NHLRC3: variants seen among roughly 807,000 people sequenced by gnomAD.
NHLRC3 encodes NHL repeat containing 3.
A neutral mutation model predicts 32.0 loss-of-function variants in NHLRC3; 23 were observed. The ratio of observed to expected loss-of-function variants is 0.72; its 90% CI spans 0.52 to 1.02. The LOEUF is 1.02. Among genes scored for constraint, NHLRC3 ranks in the 50% least tolerant of loss-of-function variants. NHLRC3 has a pLI of 0.00. For synonymous variants in NHLRC3, 159 were observed against 147.9 expected (o/e 1.08, Z -0.55); for missense variants, 407 against 406.8 (o/e 1.00, Z -0.01).
chr13:39,038,378 G>C (rs762289423), upstream of NHLRC3: 22 of 528,410 alleles, frequency 4.2e-5, no homozygotes, highest in Non-Finnish European at 7.1e-5. Context: ...TGGTCACTGG[G>C]TCAGCCCGAA....
chr13:39,039,078 C>CCCCAT, intron 1 of NHLRC3, 58 bp from the exon 2 acceptor site: 1 of 1,038,068 alleles, frequency 9.6e-7, no homozygotes, highest in Non-Finnish European at 1.4e-6. Flanking sequence ...CCCCCCCGCC[C>CCCCAT]TTTTTTTGTT....
Position 39,049,890 on chromosome 13 carries a change from AG to A in NHLRC3, c.*1965del, listed in dbSNP as rs1379937677. On this transcript the variant is annotated 3_prime_UTR_variant, in exon 7 of 7. Coordinates refer to ENST00000379600, the MANE Select transcript of NHLRC3 (RefSeq NM_001012754.4). ...TTTATTTTACTTTGTTTTATATCAGAGTCTTATAAAACCTGCTGCAAATATT... is the reference window on the plus strand; with the variant it reads ...TTTATTTTACTTTGTTTTATATCAGATCTTATAAAACCTGCTGCAAATATT... 6.6e-6 allele frequency: 1 copy of A among 152,214 alleles called. No homozygotes were observed. The highest frequency in any genetic ancestry group is 1.5e-5 in the Non-Finnish European group (1 of 68,030). 9.4% of individuals were successfully genotyped at this position (152,214 alleles called of 1,614,324 possible).
In NHLRC3 at chr13:39,049,951, C is replaced by T. The variant is rs942281702; in HGVS notation, c.*2025C>T. The T allele has an allele frequency of 6.6e-6, 1 of 152,086 alleles. No homozygotes were observed. Among genetic ancestry groups the T allele is most frequent in the Non-Finnish European group, 1.5e-5 (1 of 68,010 alleles). The allele number at this position is 152,086 out of a possible 1,614,324, so 9.4% of individuals were successfully genotyped here. Reference sequence around the variant, plus strand: ...CTTTGTAAAAGTGTTTGTTAGTGTACCTGTGATTATAGTACTTCACTTTTT... The same window carrying T: ...CTTTGTAAAAGTGTTTGTTAGTGTATCTGTGATTATAGTACTTCACTTTTT... On this transcript the variant is annotated 3_prime_UTR_variant, in exon 7 of 7. Coordinates refer to ENST00000379600, the MANE Select transcript of NHLRC3 (RefSeq NM_001012754.4).
At chr13:39,041,730 GT>G (rs1167093991) in intron 3 of NHLRC3, 1 of 198,014 alleles carries the variant, frequency 5.1e-6, no homozygotes, top group Non-Finnish European at 1.0e-5. Flanking sequence ...AATATAAGTT[GT>G]TCCCTTTACA....
In NHLRC3 at chr13:39,048,088, T is replaced by C; in HGVS notation, c.*162T>C. On this transcript the variant is annotated 3_prime_UTR_variant, in exon 7 of 7. Coordinates refer to ENST00000379600, the MANE Select transcript of NHLRC3 (RefSeq NM_001012754.4). The stretch of plus-strand genomic sequence containing the variant: ...TTAAGAATCTTATATTTTGTTGCCC[T>C]CTTGGGACTTAGTTTTATTTGTAAG... 3.3e-6 allele frequency: 2 copies of C among 611,320 alleles called. No homozygotes were observed. The highest frequency in any genetic ancestry group is 4.7e-5 in the South Asian group (2 of 42,982). The allele number at this position is 611,320 out of a possible 1,614,324, so 37.9% of individuals were successfully genotyped here.
intron 6 of NHLRC3, 98 bp downstream of exon 6, chr13:39,047,250 A>G (rs1427790454): frequency 1.3e-5 from 9 of 686,458 alleles, no homozygotes; most frequent in South Asian, 2.0e-5. Context: ...ATTTATTGTT[A>G]ATTTTGAATT....
upstream of NHLRC3, chr13:39,038,419 T>A (rs1871285484): frequency 7.0e-6 from 4 of 573,786 alleles, no homozygotes; most frequent in South Asian, 6.2e-5. Context: ...GACCCCGAAA[T>A]GCACACGAAG....
chr13:39,047,603 TAA>T (rs1171702776), intron 6 of NHLRC3, 69 bp from the exon 7 acceptor site: 2 of 1,332,256 alleles, frequency 1.5e-6, no homozygotes, highest in African/African-American at 2.9e-5. Flanking sequence ...AGTAGGGGAT[TAA>T]AATGTTGAAA....
At position 39,048,598 on chromosome 13, in the gene NHLRC3, C is replaced by T. The variant is rs1871781093; in HGVS notation, c.*672C>T. On this transcript the variant is annotated 3_prime_UTR_variant, in exon 7 of 7. Transcript: ENST00000379600. The stretch of plus-strand genomic sequence containing the variant: ...GACTTGAAAACTGAGGAGGAGCTTA[C>T]CAAGGGACAAGGAGGAGAAAACAAT... 6.6e-6 allele frequency: 1 copy of T among 152,012 alleles called. No individual in the cohort carries two copies. The highest frequency in any genetic ancestry group is 1.5e-5 in the Non-Finnish European group (1 of 68,018). 9.4% of individuals were successfully genotyped at this position (152,012 alleles called of 1,614,324 possible).
intron 4 of NHLRC3, 138 bp from the exon 5 acceptor site, chr13:39,043,952 A>G: frequency 2.9e-6 from 2 of 689,478 alleles, no homozygotes; most frequent in Non-Finnish European, 5.1e-6. Context: ...ATGGGCATAT[A>G]GACAGGAAAG....
chr13:39,039,063 C>CA, intron 1 of NHLRC3, 73 bp from the exon 2 acceptor site: 1 of 590,146 alleles, frequency 1.7e-6, no homozygotes, highest in Non-Finnish European at 3.1e-6. Context: ...AGCCCTGTTA[C>CA]CCGGCCCCCC....
intron 5 of NHLRC3, among the ~76,000 whole-genome samples, chr13:39,045,941 A>G (rs1871655212): frequency 6.6e-6 from 1 of 152,186 alleles, no homozygotes; most frequent in Admixed American, 6.5e-5. Context: ...CAAGAAATCC[A>G]AAGGACCAAA....
chr13:39,046,783 T>G (rs1312029075), intron 5 of NHLRC3, among the ~76,000 whole-genome samples: 2 of 152,146 alleles, frequency 1.3e-5, no homozygotes, highest in Non-Finnish European at 2.9e-5. Flanking sequence ...ATTCACACAT[T>G]TAGAACAGTA....
intron 4 of NHLRC3, among the ~76,000 whole-genome samples, chr13:39,043,031 T>C (rs1871522965): frequency 2.0e-5 from 3 of 152,160 alleles, no homozygotes; most frequent in Admixed American, 2.0e-4. Flanking sequence ...GCCTATAACA[T>C]TTTTGAGGTT....
chr13:39,042,341 T>C (rs767963455), intron 4 of NHLRC3, 36 bp downstream of exon 4: 8 of 1,236,456 alleles, frequency 6.5e-6, no homozygotes, highest in African/African-American at 1.5e-5. Context: ...AAAAATATTA[T>C]AAATTGATTT....
chr13:39,038,852 G>A lies in NHLRC3; in HGVS notation c.84+129G>A, dbSNP rs189124769. On this transcript the variant is annotated intron_variant, in intron 1 of 6. Coordinates refer to ENST00000379600, the MANE Select transcript of NHLRC3 (RefSeq NM_001012754.4). The stretch of plus-strand genomic sequence containing the variant: ...TAGCTTGTCTCAAAGCCTGCACCTG[G>A]GTCCAAACTGCCTTGACCCTTTGAG... 9.6e-4 allele frequency: 786 copies of A among 815,182 alleles called. 7 individuals are homozygous for A. The Middle Eastern group carries it at 0.027, about 28-fold the overall frequency. 50.5% of individuals were successfully genotyped at this position (815,182 alleles called of 1,614,324 possible).
Position 39,049,997 on chromosome 13 carries a change from A to G in NHLRC3, c.*2071A>G, listed in dbSNP as rs1330041963. 6.6e-6 allele frequency: 1 copy of G among 152,258 alleles called. No homozygotes were observed. The highest frequency in any genetic ancestry group is 2.4e-5 in the African/African-American group (1 of 41,472). The allele number at this position is 152,258 out of a possible 1,614,324, so 9.4% of individuals were successfully genotyped here. On this transcript the variant is annotated 3_prime_UTR_variant, in exon 7 of 7. Coordinates refer to ENST00000379600, the MANE Select transcript of NHLRC3 (RefSeq NM_001012754.4). ...TTTTTTCCTTTGGATTAATTGGTTA[A>G]ATGAATGAGAAATGTGTTATGTTTT... is the stretch of plus-strand genomic sequence containing the variant.
At chr13:39,043,738 A>AC (rs1871551453) in intron 4 of NHLRC3, among the ~76,000 whole-genome samples, 1 of 152,198 alleles carries the variant, frequency 6.6e-6, no homozygotes, top group African/African-American at 2.4e-5. Context: ...CATAATGTGA[A>AC]TTTTTAAGGT....
intron 3 of NHLRC3, chr13:39,040,318 G>C (rs567612728): frequency 6.6e-6 from 1 of 152,214 alleles, no homozygotes; most frequent in African/African-American, 2.4e-5. Context: ...CTAAACTGAA[G>C]CCAAATAAAG....
Sources: gnomAD v4.1 joint callset for allele counts (sites outside exome capture counted in the v4.1 genomes callset) on GRCh38, gnomAD v4.1.1 for gene constraint, MANE v1.5 for transcripts, NCBI Gene and HGNC (gene_info 2026-07-23, HGNC 2026-07-21) for gene names.